Variants in MATN3 observed in about 807,000 individuals in gnomAD.
The protein encoded by MATN3 is matrilin-3.
Under a neutral mutation model 45.3 loss-of-function variants are expected in MATN3, and 48 were observed. The ratio of observed to expected loss-of-function variants is 1.06; its 90% CI spans 0.84 to 1.35. MATN3 has a LOEUF of 1.35. MATN3 is among the 40% of genes most tolerant of loss of function. The probability of loss-of-function intolerance (pLI) is 0.00; values close to 1 mark genes in which losing one functional copy is unlikely to be tolerated. For missense variants in MATN3, 599 were observed against 628.0 expected (o/e 0.95, Z 0.49); for synonymous variants, 217 against 245.9 (o/e 0.88, Z 1.10).
chr2:20,006,255 G>T lies in MATN3; in HGVS notation c.279C>A (p.Ser93Arg). 1.2e-6 allele frequency: 2 copies of T among 1,606,958 alleles called. No individual in the cohort carries two copies. The highest frequency in any genetic ancestry group is 8.5e-7 in the Non-Finnish European group (1 of 1,177,588). The change falls in exon 2 of 8, where the codon AGC becomes AGA. Residue 93 changes from serine (S) to arginine (R), a missense_variant. Ser to Arg is a moderately radical substitution (Grantham distance 110). Coordinates refer to ENST00000407540, the MANE Select transcript of MATN3 (RefSeq NM_002381.5). ...DLVFIIDSSRSVRPLEFTKVK... is the reference protein window; with the variant it reads ...DLVFIIDSSRRVRPLEFTKVK... ...CTTTGGTGAATTCCAGGGGCCGTAC[G>T]CTACGAGAACTATCAATGATAAACA... is the stretch of plus-strand genomic sequence containing the variant.
intron 5 of MATN3, 29 bp downstream of exon 5, chr2:20,000,412 T>C (rs774282469): frequency 1.3e-6 from 2 of 1,583,004 alleles, no homozygotes; most frequent in African/African-American, 2.7e-5. Context: ...AAGACCCAAG[T>C]ATGAAAGAAT....
chr2:20,001,919 C>G, intron 4 of MATN3, 36 bp downstream of exon 4: 1 of 1,603,560 alleles, frequency 6.2e-7, no homozygotes, highest in South Asian at 1.1e-5. Context: ...AGGCAGAGAG[C>G]TAAGTAGCAA....
Position 20,012,594 on chromosome 2 carries a change from A to T in MATN3, c.38T>A (p.Leu13His). 8.2e-7 allele frequency: 1 copy of T among 1,222,804 alleles called. No individual in the cohort carries two copies. Among genetic ancestry groups the T allele is most frequent in the East Asian group, 3.3e-5 (1 of 30,740 alleles). The allele number at this position is 1,222,804 out of a possible 1,614,324, so 75.7% of individuals were successfully genotyped here. A position where few individuals can be genotyped will look rare whatever the true frequency, so the allele number is the denominator to read the frequency against. The change falls in exon 1 of 8, where the codon CTC becomes CAC. Residue 13 changes from leucine to histidine, a missense_variant. By Grantham distance (99) the Leu-to-His change is moderately conservative. Coordinates refer to ENST00000407540, the MANE Select transcript of MATN3 (RefSeq NM_002381.5). The surrounding 1 kb of genome is among the most constrained non-coding windows in gnomAD (Gnocchi z 4.3). ...RPAPARRLPGLLLLLWPLLLL... is the reference protein window; with the variant it reads ...RPAPARRLPGHLLLLWPLLLL... The stretch of plus-strand genomic sequence containing the variant: ...CAGCAGCGGCCAGAGCAGCAGGAGG[A>T]GTCCCGGGAGGCGGCGCGCGGGGGC...
rs781014661 is a variant in MATN3 at position 19,993,072 on chromosome 2, C to T, written c.*39G>A. The T allele has an allele frequency of 1.9e-6, 3 of 1,547,968 alleles. No individual in the cohort carries two copies. The African/African-American group carries it at 4.1e-5, about 21-fold the overall frequency. On this transcript the variant is annotated 3_prime_UTR_variant, in exon 8 of 8. Coordinates refer to ENST00000407540, the MANE Select transcript of MATN3 (RefSeq NM_002381.5). ...AAAGAATGCATGAGTATTAAGTACA[C>T]CAAGCTGTCCACATTTTCAGGTGAG... is the stretch of plus-strand genomic sequence containing the variant.
intron 7 of MATN3, 137 bp from the exon 8 acceptor site, chr2:19,993,303 A>G (rs1199110738): frequency 6.8e-6 from 5 of 732,676 alleles, no homozygotes; most frequent in Admixed American, 2.9e-5. Context: ...TTCTCACCAA[A>G]AGTTGAATTC....
At chr2:20,002,385 C>G (rs1673002963) in intron 3 of MATN3, among the ~76,000 whole-genome samples, 1 of 151,918 alleles carries the variant, frequency 6.6e-6, no homozygotes, top group African/African-American at 2.4e-5. Flanking sequence ...AAAAACAAAA[C>G]AAAAAAATAT....
chr2:20,010,305 A>G (rs1423760993), intron 1 of MATN3, among the ~76,000 whole-genome samples: 1 of 152,186 alleles, frequency 6.6e-6, no homozygotes, highest in Non-Finnish European at 1.5e-5. Context: ...CTATGTTCTT[A>G]TAACTAAACG....
Position 19,995,067 on chromosome 2 carries a change from G to T in MATN3, c.1295-658C>A, listed in dbSNP as rs1335636509. 6.6e-6 allele frequency among the ~76,000 whole-genome samples: 1 copy of T among 152,056 alleles called. No individual in the cohort carries two copies. The highest frequency in any genetic ancestry group is 6.6e-5 in the Admixed American group (1 of 15,250). ...ATCACACCACTGCACTCCAGCCTGGGTAACAGAGTAAGACCCTGTCTCTTA... is the reference window on the plus strand; with the variant it reads ...ATCACACCACTGCACTCCAGCCTGGTTAACAGAGTAAGACCCTGTCTCTTA... On this transcript the variant is annotated intron_variant, in intron 6 of 7. Transcript: ENST00000407540. The surrounding 1 kb of genome is among the most constrained non-coding windows in gnomAD (Gnocchi z 4.2).
chr2:20,006,111 T>C lies in MATN3; in HGVS notation c.423A>G (p.Thr141=). The C allele has an allele frequency of 6.2e-7, 1 of 1,614,022 alleles. No individual in the cohort carries two copies. Among genetic ancestry groups the C allele is most frequent in the Non-Finnish European group, 8.5e-7 (1 of 1,179,888 alleles). The change falls in exon 2 of 8, where the codon ACA becomes ACG. Residue 141 remains threonine, a synonymous_variant. Coordinates refer to ENST00000407540, the MANE Select transcript of MATN3 (RefSeq NM_002381.5). The stretch of plus-strand genomic sequence containing the variant: ...CGGCCTGCTTCAGGGACTGCTTATC[T>C]GTGTAGGCCTGGAGTTGGAACTCGA... ...VKIEFQLQAY[T]DKQSLKQAVG...
Position 20,005,995 on chromosome 2 carries a change from GC to G in MATN3, c.538del (p.Ala180LeufsTer24). 6.2e-7 allele frequency: 1 copy of G among 1,613,980 alleles called. No homozygotes were observed. The highest frequency in any genetic ancestry group is 8.5e-7 in the Non-Finnish European group (1 of 1,179,890). ...AGGGATGTTAGAAGAGGGCTCTCGA[GC>G]CCCTGCCTCCACTGTGAAGGCTTCG... ...MDEAFTVEAG[A>X]REPSSNIPKV... On this transcript the variant is annotated frameshift_variant, in exon 2 of 8. Transcript: ENST00000407540. LOFTEE classifies it high-confidence loss of function.
chr2:20,007,034 C>T (rs767352280), intron 1 of MATN3, among the ~76,000 whole-genome samples: 3 of 152,130 alleles, frequency 2.0e-5, no homozygotes, highest in Non-Finnish European at 2.9e-5. Flanking sequence ...CGGTGAAACC[C>T]CGTCTCTACT....
Position 19,993,273 on chromosome 2 carries a change from A to G in MATN3, c.1406-107T>C, listed in dbSNP as rs1156709614. On this transcript the variant is annotated intron_variant, in intron 7 of 7. Coordinates refer to ENST00000407540, the MANE Select transcript of MATN3 (RefSeq NM_002381.5). ...AATAATTATGTCCTATGAGAAGTGA[A>G]AAAAAAGAGCAAAACTGTTTTCTCA... 7 of 879,666 alleles carry G rather than the reference A, an allele frequency of 8.0e-6. No homozygotes were observed. The Admixed American group carries it at 1.1e-4, about 14-fold the overall frequency. The allele number at this position is 879,666 out of a possible 1,614,324, so 54.5% of individuals were successfully genotyped here.
Position 20,001,988 on chromosome 2 carries a change from A to G in MATN3, c.1009T>C (p.Tyr337His), listed in dbSNP as rs1672993108. ...GSYHCECYEG[Y>H]TLNEDRKTCS... ...GTTTTCCTGTCTTCATTCAAGGTATAACCTTCATAGCACTCACAATGATAA... is the reference window on the plus strand; with the variant it reads ...GTTTTCCTGTCTTCATTCAAGGTATGACCTTCATAGCACTCACAATGATAA... The change falls in exon 4 of 8, where the codon TAT becomes CAT. Residue 337 changes from tyrosine (Y) to histidine (H), a missense_variant. Physicochemically the swap from Tyr to His is moderately conservative, Grantham distance 83. Coordinates refer to ENST00000407540, the MANE Select transcript of MATN3 (RefSeq NM_002381.5). 6.2e-7 allele frequency: 1 copy of G among 1,613,596 alleles called. No homozygotes were observed. The highest frequency in any genetic ancestry group is 8.5e-7 in the Non-Finnish European group (1 of 1,179,620).
intron 1 of MATN3, among the ~76,000 whole-genome samples, chr2:20,008,482 G>C (rs575075581): frequency 2.6e-4 from 39 of 152,262 alleles, no homozygotes; most frequent in African/African-American, 9.1e-4. Context: ...AAAAATTAAA[G>C]CCTTACCTGG....
At chr2:20,006,381 G>T in intron 1 of MATN3, 71 bp from the exon 2 acceptor site, 1 of 1,226,242 alleles carries the variant, frequency 8.2e-7, no homozygotes, top group Non-Finnish European at 1.1e-6. Context: ...AGAACTCTGG[G>T]ATTCCAGGAG....
At chr2:20,003,510 T>C (rs1053554871) in intron 2 of MATN3, among the ~76,000 whole-genome samples, 1 of 152,232 alleles carries the variant, frequency 6.6e-6, no homozygotes, top group Admixed American at 6.5e-5. Context: ...ATATAGACTT[T>C]CTCAAGGGAG....
At chr2:20,005,245 C>T (rs72779376) in intron 2 of MATN3, among the ~76,000 whole-genome samples, 2,194 of 152,238 alleles carry the variant, frequency 0.014, 19 homozygotes, top group Non-Finnish European at 0.022. Context: ...CTCGGGCTGA[C>T]GGTGACATTG....
intron 5 of MATN3, among the ~76,000 whole-genome samples, chr2:19,999,460 G>A (rs1250327366): frequency 6.6e-6 from 1 of 151,916 alleles, no homozygotes; most frequent in Non-Finnish European, 1.5e-5. Flanking sequence ...GTTTCCATCA[G>A]TCCCTCTCCC....
At position 20,003,469 on chromosome 2, in the gene MATN3, T is replaced by C. The variant is rs1673030179; in HGVS notation, c.791-183A>G. On this transcript the variant is annotated intron_variant, in intron 2 of 7. Coordinates refer to ENST00000407540, the MANE Select transcript of MATN3 (RefSeq NM_002381.5). ...AGCAATGCTACTCTTAAACTAGAAA[T>C]TGTTGCTAATTTAAAAGTACACATC... 3.3e-5 allele frequency among the ~76,000 whole-genome samples: 5 copies of C among 152,210 alleles called. No homozygotes were observed. The South Asian group carries it at 1.0e-3, about 32-fold the overall frequency.
Sources: allele counts gnomAD v4.1 joint callset (sites outside exome capture counted in the v4.1 genomes callset), GRCh38; gene constraint gnomAD v4.1.1; non-coding constraint Gnocchi (gnomAD v3.1); transcripts MANE v1.5; gene names NCBI Gene and HGNC (gene_info 2026-07-23, HGNC 2026-07-21).